The following TTYH2 variants were observed in gnomAD, a reference collection of about 807,000 sequenced individuals.
TTYH2 encodes tweety family member 2.
Under a neutral mutation model 68.3 loss-of-function variants are expected in TTYH2, and 49 were observed. The observed-to-expected ratio is 0.72, with a 90% CI of 0.57 to 0.91. The LOEUF (loss-of-function observed/expected upper bound fraction) is 0.91. Ranked by LOEUF, TTYH2 falls within the 40% of genes least tolerant of loss-of-function variation. TTYH2 has a pLI of 0.00. For missense variants in TTYH2, 631 were observed against 700.4 expected, an observed-to-expected ratio of 0.90 and a Z score of 1.12; for synonymous variants, 272 against 300.8, an observed-to-expected ratio of 0.90 and a Z score of 0.99.
intron 4 of TTYH2, among the ~76,000 whole-genome samples, chr17:74,238,291 G>A (rs1249200517): frequency 1.3e-5 from 2 of 152,234 alleles, no homozygotes; most frequent in Admixed American, 1.3e-4. Context: ...GTGCTAAGAA[G>A]TTGCCATCAG....
At chr17:74,243,917 G>A in intron 5 of TTYH2, 60 bp from the exon 6 acceptor site, 1 of 1,534,864 alleles carries the variant, frequency 6.5e-7, no homozygotes, top group African/African-American at 1.4e-5. Flanking sequence ...GGGTGGGTGG[G>A]GTGATGGCTG....
intron 10 of TTYH2, 129 bp from the exon 11 acceptor site, chr17:74,252,105 G>A (rs758486470): frequency 1.2e-4 from 146 of 1,214,206 alleles, no homozygotes; most frequent in Non-Finnish European, 1.5e-4. Flanking sequence ...GCTGCAAGGC[G>A]CTCGGGATGG....
chr17:74,237,832 T>C (rs939535391), intron 4 of TTYH2, among the ~76,000 whole-genome samples: 4 of 152,108 alleles, frequency 2.6e-5, no homozygotes, highest in Admixed American at 6.5e-5. Flanking sequence ...AGTTTCACCA[T>C]GTTGGCCAGG....
chr17:74,227,881 C>T (rs762866901), intron 2 of TTYH2, among the ~76,000 whole-genome samples: 5 of 151,670 alleles, frequency 3.3e-5, no homozygotes, highest in Non-Finnish European at 7.4e-5. Flanking sequence ...ACTTAACAGG[C>T]TCCCCAGGTG....
At chr17:74,228,204 G>C (rs1265154880) in intron 2 of TTYH2, among the ~76,000 whole-genome samples, 1 of 151,890 alleles carries the variant, frequency 6.6e-6, no homozygotes, top group Non-Finnish European at 1.5e-5. Flanking sequence ...GGCTGGTCTT[G>C]AACTCCTGAC....
At chr17:74,226,958 C>CTTCCTTTCCTTTCCTTT (rs1019450961) in intron 2 of TTYH2, among the ~76,000 whole-genome samples, 1 of 151,952 alleles carries the variant, frequency 6.6e-6, no homozygotes, top group Admixed American at 6.6e-5. Flanking sequence ...TTTCTTTTCT[C>CTTCCTTTCCTTTCCTTT]TTCCTTTCCT....
chr17:74,259,508 G>T lies in TTYH2; in HGVS notation c.1525-621G>T, dbSNP rs4074790. Among the ~76,000 whole-genome samples, 4 of 152,172 alleles carry T rather than the reference G, an allele frequency of 2.6e-5. No homozygotes were observed. In the East Asian group the frequency reaches 7.7e-4, roughly 29 times the overall value. ...GGGATTACAGGTATGAATCACCACCGTTATGTGCATTTTGCATCAACAAAA... is the reference window on the plus strand; with the variant it reads ...GGGATTACAGGTATGAATCACCACCTTTATGTGCATTTTGCATCAACAAAA... On this transcript the variant is annotated intron_variant, in intron 13 of 13. Coordinates refer to ENST00000269346, the MANE Select transcript of TTYH2 (RefSeq NM_032646.6).
chr17:74,255,840 C>T (rs1221666921), intron 13 of TTYH2, among the ~76,000 whole-genome samples: 1 of 152,192 alleles, frequency 6.6e-6, no homozygotes, highest in African/African-American at 2.4e-5. Flanking sequence ...CTTCATTGGG[C>T]CTGGCGAGGC....
chr17:74,249,179 T>G, intron 7 of TTYH2, 99 bp downstream of exon 7: 1 of 1,581,636 alleles, frequency 6.3e-7, no homozygotes, highest in Non-Finnish European at 8.7e-7. Context: ...CAACCCCTCC[T>G]CAACCCTGAA....
intron 3 of TTYH2, among the ~76,000 whole-genome samples, 156 bp downstream of exon 3, chr17:74,231,155 C>T (rs2050385469): frequency 6.6e-6 from 1 of 152,228 alleles, no homozygotes; most frequent in Admixed American, 6.5e-5. Context: ...GCAGTTGCCT[C>T]TGCTGGGGCA....
rs895396628 is a variant in TTYH2, at chr17:74,255,365, C to T, written c.1524+1532C>T. On this transcript the variant is annotated intron_variant, in intron 13 of 13. Coordinates refer to ENST00000269346, the MANE Select transcript of TTYH2 (RefSeq NM_032646.6). ...TACGTGCGAAGCATCCAGTGAGTGCCGTAGGACAGTGAGCTGTTATTTGTG... is the reference window on the plus strand; with the variant it reads ...TACGTGCGAAGCATCCAGTGAGTGCTGTAGGACAGTGAGCTGTTATTTGTG... Among the ~76,000 whole-genome samples, 10 of 152,330 alleles carry T rather than the reference C, an allele frequency of 6.6e-5. No individual in the cohort carries two copies. The East Asian group carries it at 1.4e-3, about 21-fold the overall frequency.
In TTYH2 at chr17:74,222,796, T is replaced by C. The variant is rs1350855466; in HGVS notation, c.302+139T>C. 1 of 1,150,774 alleles carries C rather than the reference T, an allele frequency of 8.7e-7. No homozygotes were observed. Among genetic ancestry groups the C allele is most frequent in the Non-Finnish European group, 1.2e-6 (1 of 852,738 alleles). The allele number at this position is 1,150,774 out of a possible 1,614,324, so 71.3% of individuals were successfully genotyped here. On this transcript the variant is annotated intron_variant, in intron 2 of 13. Coordinates refer to ENST00000269346, the MANE Select transcript of TTYH2 (RefSeq NM_032646.6). This position sits in a 1 kb window ranked among gnomAD's most constrained non-coding sequence, Gnocchi z 5.2. ...CCAGATGAATGTTGTCCCTTTTTTT[T>C]TTTTTACCAAGCATCAGGAATCAGA...
chr17:74,254,805 TC>T (rs2050676348), intron 13 of TTYH2, among the ~76,000 whole-genome samples: 1 of 152,270 alleles, frequency 6.6e-6, no homozygotes, highest in African/African-American at 2.4e-5. Flanking sequence ...GAATTTTTTT[TC>T]TTTTTAGATT....
intron 5 of TTYH2, 79 bp from the exon 6 acceptor site, chr17:74,243,898 C>A (rs1463721256): frequency 1.7e-5 from 20 of 1,152,312 alleles, no homozygotes; most frequent in Non-Finnish European, 2.3e-5. Flanking sequence ...TTGCAAGGGT[C>A]TGGGGGCAGG....
intron 9 of TTYH2, 105 bp downstream of exon 9, chr17:74,250,133 C>G: frequency 6.7e-7 from 1 of 1,483,876 alleles, no homozygotes. Context: ...TGCTGGCTCT[C>G]TGTTCTCCCG....
chr17:74,253,712 C>T, intron 12 of TTYH2, 43 bp from the exon 13 acceptor site: 1 of 1,599,544 alleles, frequency 6.3e-7, no homozygotes, highest in Non-Finnish European at 8.6e-7. Context: ...CACACCCCCA[C>T]TCCCACACCA....
At chr17:74,238,447 G>A (rs2050466237) in intron 4 of TTYH2, among the ~76,000 whole-genome samples, 1 of 152,020 alleles carries the variant, frequency 6.6e-6, no homozygotes, top group Non-Finnish European at 1.5e-5. Context: ...CACCCAGGCT[G>A]GAGTGCAGTG....
rs138443629 is a variant in TTYH2, at chr17:74,237,913, G to A, written c.635+399G>A. 8.5e-3 allele frequency among the ~76,000 whole-genome samples: 1,301 copies of A among 152,244 alleles called. 16 individuals carry two copies. The highest frequency in any genetic ancestry group is 0.019 in the African/African-American group (789 of 41,556). On this transcript the variant is annotated intron_variant, in intron 4 of 13. Transcript: ENST00000269346. Reference sequence around the variant, plus strand: ...CTCCCAAAGTGCTGGGATTACAGGCGTGAGCCACCATGCCCAGCCCACCAG... The same window carrying A: ...CTCCCAAAGTGCTGGGATTACAGGCATGAGCCACCATGCCCAGCCCACCAG...
intron 6 of TTYH2, among the ~76,000 whole-genome samples, chr17:74,246,562 T>G (rs2050559856): frequency 6.6e-6 from 1 of 152,120 alleles, no homozygotes. Context: ...GCCTGCAGGC[T>G]CAGCCATCAC....
Sources: allele counts gnomAD v4.1 joint callset (sites outside exome capture counted in the v4.1 genomes callset), GRCh38; gene constraint gnomAD v4.1.1; non-coding constraint Gnocchi (gnomAD v3.1); transcripts MANE v1.5; gene names NCBI Gene and HGNC (gene_info 2026-07-23, HGNC 2026-07-21).